The following DGLUCY variants were observed in gnomAD, a reference collection of about 807,000 sequenced individuals.
DGLUCY encodes the protein D-glutamate cyclase, mitochondrial.
In DGLUCY, 58 loss-of-function variants were observed where a neutral mutation model predicts 58.5. The observed-to-expected ratio is 0.99, with a 90% CI of 0.80 to 1.23. DGLUCY has a LOEUF of 1.23. Ranked by LOEUF, DGLUCY falls within the 50% of genes most tolerant of loss-of-function variation. DGLUCY has a pLI of 0.00. For synonymous variants in DGLUCY, 325 were observed against 314.1 expected (o/e 1.03, Z -0.37); for missense variants, 779 against 784.7 (o/e 0.99, Z 0.09).
intron 1 of DGLUCY, among the ~76,000 whole-genome samples, chr14:91,152,298 T>C (rs2047379168): frequency 6.6e-6 from 1 of 152,034 alleles, no homozygotes; most frequent in Non-Finnish European, 1.5e-5. Context: ...TCAGGAGGCT[T>C]AGGTGGGAGG....
intron 6 of DGLUCY, 60 bp downstream of exon 6, chr14:91,173,499 GTC>G: frequency 6.7e-7 from 1 of 1,502,104 alleles, no homozygotes; most frequent in Non-Finnish European, 8.9e-7. Flanking sequence ...CCAGGTCAGT[GTC>G]TCTCGCTCCT....
At chr14:91,174,328 C>T (rs1022607183) in intron 6 of DGLUCY, among the ~76,000 whole-genome samples, 3 of 152,086 alleles carry the variant, frequency 2.0e-5, no homozygotes, top group African/African-American at 7.2e-5. Context: ...ATTTTTGAGA[C>T]ACAGTTTCCC....
rs1555388800 is a variant in DGLUCY at position 91,078,876 on chromosome 14, T to TTTTTTTTATTTATTTATTTA, written c.-82+18175_-82+18176insTTTTATTTATTTATTTATTT. ...TTGTGTCTGTTTATTTATTTTTAAT[T>TTTTTTTTATTTATTTATTTA]TTTATTTATTTATTTATTTATTTAT... On this transcript the variant is annotated intron_variant, in intron 1 of 4. Transcript: ENST00000521334. 2.2e-5 allele frequency among the ~76,000 whole-genome samples: 3 copies of TTTTTTTTATTTATTTATTTA among 136,774 alleles called. No individual in the cohort carries two copies. The South Asian group carries it at 7.1e-4, about 32-fold the overall frequency. 89.7% of individuals were successfully genotyped at this position (136,774 alleles called of 152,430 possible).
chr14:91,209,040 G>A (rs569663596), intron 12 of DGLUCY, among the ~76,000 whole-genome samples: 11 of 151,974 alleles, frequency 7.2e-5, no homozygotes, highest in Admixed American at 3.9e-4. Flanking sequence ...GGGGCCAGGC[G>A]CAGTGGCTCA....
At chr14:91,121,340 G>A (rs2140141555) in intron 1 of DGLUCY, among the ~76,000 whole-genome samples, 1 of 152,214 alleles carries the variant, frequency 6.6e-6, no homozygotes, top group South Asian at 2.1e-4. Context: ...CTGTACCTAA[G>A]CTTCTGAGAA....
intron 9 of DGLUCY, among the ~76,000 whole-genome samples, chr14:91,192,968 A>G (rs757910710): frequency 3.3e-5 from 5 of 152,192 alleles, no homozygotes; most frequent in African/African-American, 4.8e-5. Context: ...AGAGTTCAGG[A>G]GAGCAGCGTG....
chr14:91,175,541 G>A (rs2048807700), intron 6 of DGLUCY, among the ~76,000 whole-genome samples: 1 of 152,132 alleles, frequency 6.6e-6, no homozygotes, highest in Admixed American at 6.5e-5. Flanking sequence ...CTGTCTTCGG[G>A]ATTAGGTTGC....
chr14:91,062,588 T>C (rs1406753338), intron 1 of DGLUCY, among the ~76,000 whole-genome samples: 1 of 26,336 alleles, frequency 3.8e-5, no homozygotes, highest in African/African-American at 1.0e-4. Context: ...TATATATATA[T>C]ATATATATAT....
chr14:91,061,808 T>A (rs1436416531), intron 1 of DGLUCY, among the ~76,000 whole-genome samples: 1 of 151,906 alleles, frequency 6.6e-6, no homozygotes, highest in Non-Finnish European at 1.5e-5. Flanking sequence ...TGCTGAAGAG[T>A]GCAGATTTTT....
intron 13 of DGLUCY, among the ~76,000 whole-genome samples, chr14:91,217,575 C>G (rs374334667): frequency 9.9e-5 from 15 of 152,054 alleles, no homozygotes; most frequent in African/African-American, 1.2e-4. Flanking sequence ...ACCTCCACCC[C>G]CCAAGTTCAA....
At chr14:91,073,252 G>A (rs906750612) in intron 1 of DGLUCY, among the ~76,000 whole-genome samples, 2 of 152,046 alleles carry the variant, frequency 1.3e-5, no homozygotes, top group Admixed American at 1.3e-4. Context: ...ACCAGCCTGG[G>A]CAACATGGAT....
intron 1 of DGLUCY, among the ~76,000 whole-genome samples, chr14:91,153,850 G>A (rs570304175): frequency 6.6e-6 from 1 of 152,148 alleles, no homozygotes; most frequent in Non-Finnish European, 1.5e-5. Context: ...ACAGCCTCAG[G>A]CGGTCCTGAG....
At chr14:91,122,889 G>C (rs8016343) in intron 1 of DGLUCY, among the ~76,000 whole-genome samples, 92,923 of 152,044 alleles carry the variant, frequency 0.61, 29,500 homozygotes, top group East Asian at 0.89. Context: ...TTACAGGCGT[G>C]AGCCACGGTG....
chr14:91,218,992 C>T (rs1340143162), intron 13 of DGLUCY, among the ~76,000 whole-genome samples: 3 of 151,680 alleles, frequency 2.0e-5, no homozygotes, highest in Non-Finnish European at 4.4e-5. Flanking sequence ...CCAGCCTGGC[C>T]AATATGGTGA....
chr14:91,125,400 A>G (rs1390710463), intron 1 of DGLUCY: 1 of 152,250 alleles, frequency 6.6e-6, no homozygotes, highest in Non-Finnish European at 1.5e-5. Context: ...AAGCCCAGAG[A>G]TAGATCTGTG....
chr14:91,197,790 A>T (rs563560520), intron 10 of DGLUCY, among the ~76,000 whole-genome samples: 6 of 152,286 alleles, frequency 3.9e-5, no homozygotes, highest in Non-Finnish European at 7.3e-5. Context: ...TTTTGCATTC[A>T]TCTGTCAGTG....
At chr14:91,060,396 C>A (rs1332476359) in exon 1 of DGLUCY, 14 of 1,508,166 alleles carry the variant, frequency 9.3e-6, no homozygotes, top group Non-Finnish European at 1.1e-5. Context: ...CCGCGCTGGT[C>A]CCCGCGGCGC....
At chr14:91,149,640 T>A (rs1455039232) in intron 1 of DGLUCY, among the ~76,000 whole-genome samples, 2 of 152,234 alleles carry the variant, frequency 1.3e-5, no homozygotes, top group Non-Finnish European at 2.9e-5. Flanking sequence ...GTTACAGGAA[T>A]TTGGCCTGAT....
chr14:91,112,648 A>C, upstream of DGLUCY, among the ~76,000 whole-genome samples: 1 of 152,152 alleles, frequency 6.6e-6, no homozygotes, highest in East Asian at 1.9e-4. Context: ...CAAAAAAAGA[A>C]AAAAAAGGAA....
Sources: allele counts gnomAD v4.1 joint callset (sites outside exome capture counted in the v4.1 genomes callset), GRCh38; gene constraint gnomAD v4.1.1; transcripts MANE v1.5; gene names NCBI Gene and HGNC (gene_info 2026-07-23, HGNC 2026-07-21).